Variants in DENND5B observed in about 807,000 individuals in gnomAD.
DENND5B encodes the protein DENN domain containing 5B.
In DENND5B, 34 loss-of-function variants were observed where a neutral mutation model predicts 140.6. The ratio of observed to expected loss-of-function variants is 0.24; its 90% CI spans 0.18 to 0.32. The LOEUF (loss-of-function observed/expected upper bound fraction) is 0.32, where lower values mean the gene tolerates loss of function less well. Among genes scored for constraint, DENND5B ranks in the 10% least tolerant of loss-of-function variants. The pLI is 1.00. For missense variants in DENND5B, 1,142 were observed against 1,560.2 expected, an observed-to-expected ratio of 0.73 and a Z score of 4.52; for synonymous variants, 551 against 562.1, an observed-to-expected ratio of 0.98 and a Z score of 0.28.
At chr12:31,513,153 T>C (rs1947491379) in intron 1 of DENND5B, among the ~76,000 whole-genome samples, 1 of 152,218 alleles carries the variant, frequency 6.6e-6, no homozygotes, top group African/African-American at 2.4e-5. Context: ...GTTTTTCTCA[T>C]GATTATACTG....
intron 3 of DENND5B, among the ~76,000 whole-genome samples, chr12:31,475,804 C>T (rs933315232): frequency 9.9e-5 from 15 of 151,992 alleles, no homozygotes; most frequent in African/African-American, 2.9e-4. Context: ...AGACCACAAA[C>T]GGTGAGACAT....
chr12:31,462,922 G>A (rs763325211), intron 3 of DENND5B, among the ~76,000 whole-genome samples: 2 of 151,788 alleles, frequency 1.3e-5, no homozygotes, highest in Non-Finnish European at 2.9e-5. Context: ...TTGCACTACT[G>A]CACTCCAGCC....
At chr12:31,442,312 G>A (rs1240556303) in intron 7 of DENND5B, among the ~76,000 whole-genome samples, 2 of 152,120 alleles carry the variant, frequency 1.3e-5, no homozygotes, top group African/African-American at 2.4e-5. Flanking sequence ...TAGAAGCCTC[G>A]AAGGGAGCGT....
At chr12:31,475,813 A>G (rs1945780146) in intron 3 of DENND5B, among the ~76,000 whole-genome samples, 1 of 152,200 alleles carries the variant, frequency 6.6e-6, no homozygotes, top group Admixed American at 6.5e-5. Context: ...ACGGTGAGAC[A>G]TAACCTGCTA....
chr12:31,461,901 C>T (rs1386232081), intron 3 of DENND5B, among the ~76,000 whole-genome samples: 1 of 152,108 alleles, frequency 6.6e-6, no homozygotes, highest in Non-Finnish European at 1.5e-5. Flanking sequence ...TTACTTGAGT[C>T]ACATCAACTC....
rs1199948202 is a variant in DENND5B at position 31,456,870 on chromosome 12, A to G, written c.1092+3324T>C. Among the ~76,000 whole-genome samples, 4 of 152,094 alleles carry G rather than the reference A, an allele frequency of 2.6e-5. No homozygotes were observed. In the East Asian group the frequency reaches 7.7e-4, roughly 29 times the overall value. ...AAAGCCAGAGGATCGCTTGAGCCCA[A>G]GAGTTCAAGACCAGCCTGGGCAATG... On this transcript the variant is annotated intron_variant, in intron 4 of 20. Coordinates refer to ENST00000389082, the MANE Select transcript of DENND5B (RefSeq NM_144973.4).
At position 31,461,523 on chromosome 12, in the gene DENND5B, TTTAGAA is replaced by T. The variant is rs1340484837; in HGVS notation, c.905-1148_905-1143del. 4.7e-4 allele frequency among the ~76,000 whole-genome samples: 72 copies of T among 152,318 alleles called. 1 individual carries two copies. The highest frequency in any genetic ancestry group is 1.7e-3 in the African/African-American group (70 of 41,582). On this transcript the variant is annotated intron_variant, in intron 3 of 20. Transcript: ENST00000389082. The stretch of plus-strand genomic sequence containing the variant: ...TTTAAATGTTTGGAAGTAGATATGC[TTTAGAA>T]TTCAGATTTTTTAATTTAGAAAAGC...
At chr12:31,519,887 T>A (rs998769422) in intron 1 of DENND5B, among the ~76,000 whole-genome samples, 4 of 152,214 alleles carry the variant, frequency 2.6e-5, no homozygotes, top group African/African-American at 9.7e-5. Flanking sequence ...ATCACTACTA[T>A]CTAATTTTAG....
At chr12:31,533,138 T>C (rs1948347798) in intron 1 of DENND5B, among the ~76,000 whole-genome samples, 1 of 152,202 alleles carries the variant, frequency 6.6e-6, no homozygotes. Context: ...TGTGAGCTAT[T>C]AAATATTGTT....
At chr12:31,394,036 C>T (rs928646180) in intron 17 of DENND5B, among the ~76,000 whole-genome samples, 1 of 149,414 alleles carries the variant, frequency 6.7e-6, no homozygotes, top group Non-Finnish European at 1.5e-5. Flanking sequence ...TACACTAATG[C>T]ATAAAAATTG....
intron 1 of DENND5B, among the ~76,000 whole-genome samples, chr12:31,513,296 G>A (rs1181891665): frequency 6.6e-6 from 1 of 152,060 alleles, no homozygotes; most frequent in East Asian, 1.9e-4. Context: ...TGTTCTTCAG[G>A]CTTCTCCACA....
intron 1 of DENND5B, among the ~76,000 whole-genome samples, chr12:31,575,275 C>T (rs1949972070): frequency 1.3e-5 from 2 of 152,160 alleles, no homozygotes; most frequent in African/African-American, 2.4e-5. Context: ...AAACCTATAA[C>T]CAGCCATAAA....
At chr12:31,456,667 G>A (rs570451882) in intron 4 of DENND5B, among the ~76,000 whole-genome samples, 2 of 152,310 alleles carry the variant, frequency 1.3e-5, no homozygotes, top group African/African-American at 4.8e-5. Flanking sequence ...CTGTAGGCCG[G>A]AGCAGGAAGT....
chr12:31,424,805 A>C, intron 9 of DENND5B, 118 bp from the exon 10 acceptor site: 4 of 1,336,104 alleles, frequency 3.0e-6, no homozygotes, highest in Non-Finnish European at 4.1e-6. Context: ...GCAGATTTGT[A>C]ATCACCTTGG....
chr12:31,480,146 A>T lies in DENND5B; in HGVS notation c.347T>A (p.Val116Asp), dbSNP rs1946006897. 6.2e-7 allele frequency: 1 copy of T among 1,609,894 alleles called. No individual in the cohort carries two copies. The change falls in exon 3 of 21, where the codon GTT becomes GAT. Residue 116 changes from valine to aspartate, a missense_variant. Val to Asp is a radical substitution (Grantham distance 152). Transcript: ENST00000389082. ...TGTAACTTCTTCATAAAAAGTGAGA[A>T]CAAAACCATAGGTGCGAGAACCATC... The part of the protein sequence containing the change: ...REDGSRTYGF[V>D]LTFYEEVTSK...
chr12:31,462,389 CCT>C (rs564901813), intron 3 of DENND5B, among the ~76,000 whole-genome samples: 97 of 152,132 alleles, frequency 6.4e-4, no homozygotes, highest in African/African-American at 2.3e-3. Context: ...ACCTGAAACC[CCT>C]GAGGTCGGCT....
chr12:31,434,019 T>C (rs1943633754), intron 7 of DENND5B, among the ~76,000 whole-genome samples: 1 of 152,130 alleles, frequency 6.6e-6, no homozygotes, highest in South Asian at 2.1e-4. Flanking sequence ...TTCAAACTCA[T>C]AAGAGTGAGT....
chr12:31,585,025 CTTT>C (rs1260112653), intron 1 of DENND5B, among the ~76,000 whole-genome samples: 1 of 152,020 alleles, frequency 6.6e-6, no homozygotes, highest in Non-Finnish European at 1.5e-5. Flanking sequence ...GTGCCAGACT[CTTT>C]TTAACAACTA....
At chr12:31,485,411 G>A (rs531369822) in intron 2 of DENND5B, among the ~76,000 whole-genome samples, 36 of 152,286 alleles carry the variant, frequency 2.4e-4, no homozygotes, top group South Asian at 1.0e-3. Flanking sequence ...GATATTTTAC[G>A]TTACAGGAAT....
Sources: allele counts gnomAD v4.1 joint callset (sites outside exome capture counted in the v4.1 genomes callset), GRCh38; gene constraint gnomAD v4.1.1; transcripts MANE v1.5; gene names NCBI Gene and HGNC (gene_info 2026-07-23, HGNC 2026-07-21).